The following NRDE2 variants were observed in gnomAD, a reference collection of about 807,000 sequenced individuals.
NRDE2 encodes the protein NRDE-2, necessary for RNA interference, domain containing, also known as nuclear exosome regulator NRDE2.
In NRDE2, 76 loss-of-function variants were observed where a neutral mutation model predicts 124.2. The observed-to-expected ratio is 0.61, with a 90% CI of 0.51 to 0.74. NRDE2 has a LOEUF of 0.74. Ranked by LOEUF, NRDE2 falls within the 30% of genes least tolerant of loss-of-function variation. NRDE2 has a pLI of 0.00. For synonymous variants in NRDE2, 489 were observed against 528.1 expected, an observed-to-expected ratio of 0.93 and a Z score of 1.01; for missense variants, 1,314 against 1,417.3, an observed-to-expected ratio of 0.93 and a Z score of 1.17.
rs1491397403 is a variant in NRDE2 at position 90,274,838 on chromosome 14, A to ACACCCACC, written c.*3497_*3498insGGTGGGTG. The ACACCCACC allele has an allele frequency of 4.5e-5, 3 of 67,220 alleles. No individual in the cohort carries two copies. Among genetic ancestry groups the ACACCCACC allele is most frequent in the Non-Finnish European group, 6.4e-5 (2 of 31,320 alleles). 4.2% of individuals were successfully genotyped at this position (67,220 alleles called of 1,614,324 possible). ...CACACACACACACACACACACACAC[A>ACACCCACC]CCCCAATACATATGAATTGATCTGA... On this transcript the variant is annotated 3_prime_UTR_variant, in exon 14 of 14. Coordinates refer to ENST00000354366, the MANE Select transcript of NRDE2 (RefSeq NM_017970.4).
At chr14:90,300,716 TAGA>T (rs1206198534) in intron 7 of NRDE2, among the ~76,000 whole-genome samples, 1 of 148,742 alleles carries the variant, frequency 6.7e-6, no homozygotes, top group African/African-American at 2.5e-5. Context: ...TGTGGGTACT[TAGA>T]AGGTTAACTG....
intron 4 of NRDE2, among the ~76,000 whole-genome samples, chr14:90,310,638 A>G (rs1884800488): frequency 6.7e-6 from 1 of 150,002 alleles, no homozygotes; most frequent in Non-Finnish European, 1.5e-5. Flanking sequence ...ATCCTGCCTC[A>G]CTCCCCTAGC....
At position 90,286,397 on chromosome 14, in the gene NRDE2, C is replaced by T. The variant is rs1892102842; in HGVS notation, c.3254G>A (p.Gly1085Asp). 1 of 1,614,136 alleles carries T rather than the reference C, an allele frequency of 6.2e-7. No homozygotes were observed. The highest frequency in any genetic ancestry group is 2.2e-5 in the East Asian group (1 of 44,866). The part of the protein sequence containing the change: ...LFENAMRSDS[G>D]SQCPLLWRMY... ...CCTCCACAGCAAGGGGCACTGGCTGCCACTGTCGCTGCGCATGGCATTTTC... is the reference window on the plus strand; with the variant it reads ...CCTCCACAGCAAGGGGCACTGGCTGTCACTGTCGCTGCGCATGGCATTTTC... The change falls in exon 12 of 14, where the codon GGC becomes GAC. Residue 1085 changes from glycine to aspartate, a missense_variant. By Grantham distance (94) the Gly-to-Asp change is moderately conservative (BLOSUM62 -1). Coordinates refer to ENST00000354366, the MANE Select transcript of NRDE2 (RefSeq NM_017970.4).
At chr14:90,278,533 A>C (rs1325174341) in intron 13 of NRDE2, 72 bp from the exon 14 acceptor site, 1 of 1,591,458 alleles carries the variant, frequency 6.3e-7, no homozygotes, top group Non-Finnish European at 8.6e-7. Flanking sequence ...TCAGGAAGCA[A>C]GGGCCAGGTT....
At chr14:90,278,798 G>C in intron 13 of NRDE2, 2 of 554,220 alleles carry the variant, frequency 3.6e-6, no homozygotes, top group Non-Finnish European at 6.5e-6. Context: ...TTCAGCATCT[G>C]GGCTGGACTC....
At chr14:90,283,414 G>A (rs1892009516) in intron 12 of NRDE2, among the ~76,000 whole-genome samples, 1 of 152,240 alleles carries the variant, frequency 6.6e-6, no homozygotes, top group Admixed American at 6.5e-5. Flanking sequence ...GACTGGGTAA[G>A]TTAAACTGGC....
At chr14:90,302,312 A>C (rs1161135492) in intron 6 of NRDE2, among the ~76,000 whole-genome samples, 1 of 152,246 alleles carries the variant, frequency 6.6e-6, no homozygotes, top group Non-Finnish European at 1.5e-5. Context: ...AAATGTTAAC[A>C]GCATAATAAT....
rs1193201439 is a variant in NRDE2 at position 90,278,111 on chromosome 14, A to C, written c.*225T>G. The C allele has an allele frequency of 2.1e-6, 1 of 487,182 alleles. No individual in the cohort carries two copies. Among genetic ancestry groups the C allele is most frequent in the East Asian group, 3.7e-5 (1 of 26,948 alleles). The allele number at this position is 487,182 out of a possible 1,614,324, so 30.2% of individuals were successfully genotyped here. A position where few individuals can be genotyped will look rare whatever the true frequency, so the allele number is the denominator to read the frequency against. ...GTGGCATGACTCTCTGGCTATGTAC[A>C]TATATACACATATTCACATATATAA... On this transcript the variant is annotated 3_prime_UTR_variant, in exon 14 of 14. Coordinates refer to ENST00000354366, the MANE Select transcript of NRDE2 (RefSeq NM_017970.4).
Position 90,270,367 on chromosome 14 carries a change from G to A in NRDE2, c.*7969C>T, listed in dbSNP as rs752034051. On this transcript the variant is annotated 3_prime_UTR_variant, in exon 14 of 14. Coordinates refer to ENST00000354366, the MANE Select transcript of NRDE2 (RefSeq NM_017970.4). ...CTGACATCAAGGTGAGAGCCTAGCC[G>A]TGTCAGCTTATTTCTGGGAATGTGG... 4.1e-5 allele frequency: 66 copies of A among 1,606,648 alleles called. No homozygotes were observed. The highest frequency in any genetic ancestry group is 5.4e-5 in the Non-Finnish European group (63 of 1,176,680).
Position 90,290,336 on chromosome 14 carries a change from T to C in NRDE2, c.2114A>G (p.Gln705Arg), listed in dbSNP as rs1892237995. ...GATGAACTCCTCGCCCTCTCGGTTC[T>C]GACCCCTGGTCCAGCGAGGATAGCC... ...RLGYPRWTRG[Q>R]NREGEEFIRN... The change falls in exon 10 of 14, where the codon CAG (glutamine) becomes CGG (arginine). Residue 705 changes from glutamine (Q) to arginine (R), a missense_variant. Transcript: ENST00000354366. 2 of 1,614,142 alleles carry C rather than the reference T, an allele frequency of 1.2e-6. No individual in the cohort carries two copies. The highest frequency in any genetic ancestry group is 1.7e-6 in the Non-Finnish European group (2 of 1,180,044).
intron 8 of NRDE2, 71 bp downstream of exon 8, chr14:90,298,189 A>G: frequency 6.6e-7 from 1 of 1,504,448 alleles, no homozygotes; most frequent in Non-Finnish European, 9.2e-7. Context: ...AAGCAGATAA[A>G]TAATCATGAG....
In NRDE2 at chr14:90,270,855, A is replaced by G. The variant is rs951460554; in HGVS notation, c.*7481T>C. 6.6e-6 allele frequency: 1 copy of G among 152,312 alleles called. No individual in the cohort carries two copies. Among genetic ancestry groups the G allele is most frequent in the African/African-American group, 2.4e-5 (1 of 41,444 alleles). 9.4% of individuals were successfully genotyped at this position (152,312 alleles called of 1,614,324 possible). ...ACAGCAAGGTCTGGCAGCGTTGAAT[A>G]TGGGTTCTACCTGCTTTTCCTGGAA... On this transcript the variant is annotated 3_prime_UTR_variant, in exon 14 of 14. Transcript: ENST00000354366.
chr14:90,302,893 T>G lies in NRDE2; in HGVS notation c.1238A>C (p.Asn413Thr). Residue 413 changes from asparagine (N) to threonine (T), a missense_variant, in exon 6 of 14, where the codon AAT becomes ACT. By Grantham distance (65) the Asn-to-Thr change is moderately conservative. Coordinates refer to ENST00000354366, the MANE Select transcript of NRDE2 (RefSeq NM_017970.4). The part of the protein sequence containing the change: ...EWQKLIFLHP[N>T]NTALWQKYLL... ...GTATTTCTGCCAAAGGGCTGTATTA[T>G]TGGGATGCAAAAATATCAGTTTCTG... 1 of 1,614,116 alleles carries G rather than the reference T, an allele frequency of 6.2e-7. No homozygotes were observed. Among genetic ancestry groups the G allele is most frequent in the East Asian group, 2.2e-5 (1 of 44,890 alleles).
chr14:90,297,193 A>G (rs1884203193), intron 8 of NRDE2, among the ~76,000 whole-genome samples: 2 of 152,082 alleles, frequency 1.3e-5, no homozygotes, highest in Non-Finnish European at 2.9e-5. Flanking sequence ...GAGATTTGCT[A>G]AAAGTGTAAA....
rs960766025 is a variant in NRDE2, at chr14:90,288,508, C to T, written c.2867G>A (p.Ser956Asn). Residue 956 changes from serine to asparagine, a missense_variant, in exon 11 of 14, where the codon AGT (serine) becomes AAT (asparagine). Ser to Asn is a conservative substitution (Grantham distance 46). Coordinates refer to ENST00000354366, the MANE Select transcript of NRDE2 (RefSeq NM_017970.4). Reference protein sequence around the residue: ...GDSASSQSWTSVLEAITLMHT... With the variant: ...GDSASSQSWTNVLEAITLMHT... ...CATCAGTGTGATGGCTTCGAGAACACTGGTCCAACTCTGGGAGCTGGCACT... is the reference window on the plus strand; with the variant it reads ...CATCAGTGTGATGGCTTCGAGAACATTGGTCCAACTCTGGGAGCTGGCACT... The T allele has an allele frequency of 6.2e-7, 1 of 1,614,198 alleles. No individual in the cohort carries two copies. Among genetic ancestry groups the T allele is most frequent in the African/African-American group, 1.3e-5 (1 of 75,052 alleles).
Position 90,301,371 on chromosome 14 carries a change from T to G in NRDE2, c.1413A>C (p.Ala471=). Residue 471 remains alanine, a splice_region_variant and synonymous_variant, in exon 7 of 14, where the codon GCA becomes GCC. Coordinates refer to ENST00000354366, the MANE Select transcript of NRDE2 (RefSeq NM_017970.4). ...GAAAGTGGCACTGCTGAAGAAAGAG[T>G]GCTGCGAACAGGAGGGCAAAGGGGA... ...ALPGTEEAMF[A]LFLQQCHFLR... is the part of the protein sequence containing the mutation. The G allele has an allele frequency of 6.2e-7, 1 of 1,613,474 alleles. No homozygotes were observed. The highest frequency in any genetic ancestry group is 8.5e-7 in the Non-Finnish European group (1 of 1,179,778).
At chr14:90,297,464 T>C (rs968857883) in intron 8 of NRDE2, among the ~76,000 whole-genome samples, 1 of 152,160 alleles carries the variant, frequency 6.6e-6, no homozygotes, top group East Asian at 1.9e-4. Context: ...ATATTTCTAT[T>C]GGGCAGCTCT....
In NRDE2 at chr14:90,304,328, T is replaced by A; in HGVS notation, c.612A>T (p.Ile204=). The change falls in exon 5 of 14, where the codon ATA becomes ATT. Residue 204 remains isoleucine, a synonymous_variant. Coordinates refer to ENST00000354366, the MANE Select transcript of NRDE2 (RefSeq NM_017970.4). ...TCTCTGTGGAAGTCCCTTCCCAAGATATGCACTGCTTCTTAGGGTTAATGC... is the reference window on the plus strand; with the variant it reads ...TCTCTGTGGAAGTCCCTTCCCAAGAAATGCACTGCTTCTTAGGGTTAATGC... ...CLGINPKKQC[I]SWEGTSTEKK... is the part of the protein sequence containing the mutation. 1 of 1,614,150 alleles carries A rather than the reference T, an allele frequency of 6.2e-7. No individual in the cohort carries two copies. The highest frequency in any genetic ancestry group is 8.5e-7 in the Non-Finnish European group (1 of 1,180,002).
At chr14:90,318,756 G>A (rs1197961417) in intron 1 of NRDE2, among the ~76,000 whole-genome samples, 1 of 152,144 alleles carries the variant, frequency 6.6e-6, no homozygotes, top group Non-Finnish European at 1.5e-5. Context: ...CCGGTATCAC[G>A]CCACTGCACT....
Sources: allele counts gnomAD v4.1 joint callset (sites outside exome capture counted in the v4.1 genomes callset), GRCh38; gene constraint gnomAD v4.1.1; transcripts MANE v1.5; gene names NCBI Gene and HGNC (gene_info 2026-07-23, HGNC 2026-07-21).